AKAP13: variants seen among roughly 807,000 people sequenced by gnomAD.
AKAP13 encodes the protein A-kinase anchor protein 13.
In AKAP13, 80 loss-of-function variants were observed where a neutral mutation model predicts 264.5. The ratio of observed to expected loss-of-function variants is 0.30; its 90% CI spans 0.25 to 0.36. AKAP13 has a LOEUF of 0.36. Ranked by LOEUF, AKAP13 falls within the 10% of genes least tolerant of loss-of-function variation. AKAP13 has a pLI of 1.00. For synonymous variants in AKAP13, 1,380 were observed against 1,250.2 expected (o/e 1.10, Z -2.19); for missense variants, 3,712 against 3,435.2 (o/e 1.08, Z -2.01).
At chr15:85,668,564 G>T (rs1441791196) in intron 13 of AKAP13, among the ~76,000 whole-genome samples, 1 of 152,210 alleles carries the variant, frequency 6.6e-6, no homozygotes, top group Non-Finnish European at 1.5e-5. Context: ...AGAGGATAGG[G>T]AAGAGATTTA....
chr15:85,657,852 G>C (rs2083172167), intron 11 of AKAP13, among the ~76,000 whole-genome samples: 1 of 151,964 alleles, frequency 6.6e-6, no homozygotes, highest in African/African-American at 2.4e-5. Flanking sequence ...ATCAAGGAAT[G>C]AGGGTTTATT....
chr15:85,403,617 G>A (rs902937760), intron 1 of AKAP13, among the ~76,000 whole-genome samples: 6 of 152,070 alleles, frequency 3.9e-5, no homozygotes, highest in African/African-American at 1.4e-4. Flanking sequence ...GAGGTGGGTG[G>A]ATCACCTGAG....
chr15:85,420,151 C>T (rs563376328), intron 1 of AKAP13, among the ~76,000 whole-genome samples: 5 of 151,864 alleles, frequency 3.3e-5, no homozygotes, highest in East Asian at 1.9e-4. Flanking sequence ...CCGCTTTAGC[C>T]GGGATGGTCT....
intron 8 of AKAP13, among the ~76,000 whole-genome samples, chr15:85,636,622 T>C (rs2082081032): frequency 6.6e-6 from 1 of 151,834 alleles, no homozygotes; most frequent in African/African-American, 2.4e-5. Flanking sequence ...CTGATTTTTT[T>C]TTTTTCCTTT....
chr15:85,532,026 A>G (rs538600187), intron 3 of AKAP13, among the ~76,000 whole-genome samples: 4 of 152,182 alleles, frequency 2.6e-5, no homozygotes, highest in Admixed American at 2.6e-4. Context: ...CTGCACCTTA[A>G]TATCTGTGTA....
At chr15:85,578,416 C>T (rs976173845) in intron 6 of AKAP13, among the ~76,000 whole-genome samples, 3 of 152,254 alleles carry the variant, frequency 2.0e-5, no homozygotes, top group South Asian at 2.1e-4. Flanking sequence ...GGTGCTGTCT[C>T]GGCTCACTGC....
In AKAP13 at chr15:85,613,692, AT is replaced by A. The variant is rs1328596977; in HGVS notation, c.4162-25681del. Among the ~76,000 whole-genome samples the A allele has an allele frequency of 1.2e-3, 99 of 82,264 alleles. 2 individuals carry two copies. The highest frequency in any genetic ancestry group is 4.9e-3 in the East Asian group (12 of 2,448). The allele number at this position is 82,264 out of a possible 152,430, so 54.0% of individuals were successfully genotyped here. A position where few individuals can be genotyped will look rare whatever the true frequency, so the allele number is the denominator to read the frequency against. ...CCAGACTCCGTCTAAAAAAAAAAAA[AT>A]ATATATATATATATATATATTAGGA... is the stretch of plus-strand genomic sequence containing the variant. On this transcript the variant is annotated intron_variant, in intron 8 of 36. Coordinates refer to ENST00000394518, the MANE Select transcript of AKAP13 (RefSeq NM_007200.5).
intron 8 of AKAP13, among the ~76,000 whole-genome samples, chr15:85,594,909 A>G (rs1287334059): frequency 6.6e-6 from 1 of 152,208 alleles, no homozygotes; most frequent in Non-Finnish European, 1.5e-5. Flanking sequence ...TCCACTATAT[A>G]TGGAGTTGTC....
intron 1 of AKAP13, among the ~76,000 whole-genome samples, chr15:85,474,494 C>G (rs1380981255): frequency 6.6e-6 from 1 of 152,156 alleles, no homozygotes; most frequent in East Asian, 1.9e-4. Context: ...GCAAGAATGA[C>G]TGTCTAAGGG....
At chr15:85,664,536 G>A (rs932377832) in intron 12 of AKAP13, 27 bp from the exon 13 acceptor site, 5 of 1,574,350 alleles carry the variant, frequency 3.2e-6, no homozygotes, top group Non-Finnish European at 4.3e-6. Flanking sequence ...GAAATAGAAT[G>A]AATTAACTTT....
At chr15:85,435,752 A>G (rs2073256112) in intron 1 of AKAP13, among the ~76,000 whole-genome samples, 2 of 143,326 alleles carry the variant, frequency 1.4e-5, no homozygotes, top group African/African-American at 5.1e-5. Context: ...AATACTTCAC[A>G]GACAAGCAAA....
intron 5 of AKAP13, among the ~76,000 whole-genome samples, chr15:85,564,701 C>T (rs1567127923): frequency 6.6e-6 from 1 of 152,158 alleles, no homozygotes; most frequent in Non-Finnish European, 1.5e-5. Context: ...CTTAGATTAT[C>T]TGTCTCTTCA....
chr15:85,620,436 C>T (rs904332098), intron 8 of AKAP13, among the ~76,000 whole-genome samples: 1 of 152,142 alleles, frequency 6.6e-6, no homozygotes, highest in Non-Finnish European at 1.5e-5. Flanking sequence ...GGGAGAACCT[C>T]ATACTGTTGA....
chr15:85,705,622 A>G (rs536842988), intron 17 of AKAP13, among the ~76,000 whole-genome samples: 1 of 136,936 alleles, frequency 7.3e-6, no homozygotes, highest in Non-Finnish European at 1.6e-5. Context: ...AAAATTAAAA[A>G]TTTTTTTTAA....
chr15:85,475,168 A>G (rs1002868452), intron 1 of AKAP13, among the ~76,000 whole-genome samples: 3 of 152,192 alleles, frequency 2.0e-5, no homozygotes, highest in Non-Finnish European at 4.4e-5. Flanking sequence ...TTTGCCGGAT[A>G]TCTATTTTAA....
intron 2 of AKAP13, among the ~76,000 whole-genome samples, chr15:85,506,209 A>G (rs1158554674): frequency 6.6e-6 from 1 of 152,146 alleles, no homozygotes; most frequent in African/African-American, 2.4e-5. Flanking sequence ...GCTTGAACCC[A>G]TGAAGTGGAG....
At chr15:85,513,184 C>T (rs1054927737) in intron 2 of AKAP13, among the ~76,000 whole-genome samples, 3 of 152,200 alleles carry the variant, frequency 2.0e-5, no homozygotes, top group South Asian at 2.1e-4. Context: ...CCTAGGTCCT[C>T]GGGTAAAAGG....
intron 1 of AKAP13, among the ~76,000 whole-genome samples, chr15:85,450,741 C>G (rs1189311236): frequency 2.0e-5 from 3 of 151,950 alleles, no homozygotes; most frequent in African/African-American, 7.3e-5. Flanking sequence ...GATTTGGTTT[C>G]TTTTACTTTT....
chr15:85,508,426 CGCT>C (rs1596368222), intron 2 of AKAP13, among the ~76,000 whole-genome samples: 1 of 151,796 alleles, frequency 6.6e-6, no homozygotes, highest in Non-Finnish European at 1.5e-5. Flanking sequence ...TACAGACGTG[CGCT>C]ATCGTGCCTG....
Sources: gnomAD v4.1 joint callset for allele counts (sites outside exome capture counted in the v4.1 genomes callset) on GRCh38, gnomAD v4.1.1 for gene constraint, MANE v1.5 for transcripts, NCBI Gene and HGNC (gene_info 2026-07-23, HGNC 2026-07-21) for gene names.